The following ROBO2 variants were observed in gnomAD, a reference collection of about 807,000 sequenced individuals.
The protein encoded by ROBO2 is roundabout guidance receptor 2.
ROBO2 carries 53 observed loss-of-function variants against 160.8 expected under a neutral mutation model. The ratio of observed to expected loss-of-function variants is 0.33; its 90% confidence interval spans 0.26 to 0.41. The LOEUF is 0.41. Among genes scored for constraint, ROBO2 ranks in the 10% least tolerant of loss-of-function variants. The pLI is 1.00. For synonymous variants in ROBO2, 664 were observed against 611.7 expected (o/e 1.09, Z -1.26); for missense variants, 1,577 against 1,722.4 (o/e 0.92, Z 1.49).
chr3:76,653,928 T>C (rs1333700052), intron 2 of ROBO2, among the ~76,000 whole-genome samples: 2 of 152,142 alleles, frequency 1.3e-5, no homozygotes, highest in Admixed American at 1.3e-4. Context: ...CTTTTTAATA[T>C]GGACATTTTT....
intron 2 of ROBO2, among the ~76,000 whole-genome samples, chr3:75,948,059 A>G (rs1948386672): frequency 6.6e-6 from 1 of 152,106 alleles, no homozygotes. Flanking sequence ...ACAATTGCCC[A>G]TTGCAAATAA....
chr3:77,483,947 T>C (rs2085015681), intron 4 of ROBO2, among the ~76,000 whole-genome samples: 1 of 151,796 alleles, frequency 6.6e-6, no homozygotes, highest in Non-Finnish European at 1.5e-5. Context: ...AGTATTTTGA[T>C]TCTAGTGGGC....
At chr3:76,255,096 G>C (rs1706273374) in intron 2 of ROBO2, among the ~76,000 whole-genome samples, 1 of 152,044 alleles carries the variant, frequency 6.6e-6, no homozygotes, top group African/African-American at 2.4e-5. Context: ...GTTGGAGAGA[G>C]GATCAAATTT....
At chr3:76,389,512 C>G (rs1244664516) in intron 2 of ROBO2, among the ~76,000 whole-genome samples, 7 of 152,162 alleles carry the variant, frequency 4.6e-5, no homozygotes, top group Non-Finnish European at 1.0e-4. Context: ...ACTATGATTT[C>G]TTGTTGAGAT....
intron 2 of ROBO2, among the ~76,000 whole-genome samples, chr3:77,439,878 T>C (rs1052633110): frequency 6.6e-6 from 1 of 152,168 alleles, no homozygotes; most frequent in Non-Finnish European, 1.5e-5. Flanking sequence ...ATACATATCA[T>C]ACCTCATCTC....
intron 2 of ROBO2, among the ~76,000 whole-genome samples, chr3:76,015,740 G>A (rs1439594708): frequency 6.6e-6 from 1 of 152,196 alleles, no homozygotes; most frequent in East Asian, 1.9e-4. Context: ...AAGTTAGGCA[G>A]CAGTTTTTAT....
At chr3:76,038,603 G>C (rs996212052) in intron 2 of ROBO2, among the ~76,000 whole-genome samples, 2 of 151,906 alleles carry the variant, frequency 1.3e-5, no homozygotes, top group Non-Finnish European at 2.9e-5. Flanking sequence ...GTCCCCATGG[G>C]CTGAAGCTGC....
chr3:77,013,739 A>G (rs138825714), intron 2 of ROBO2, among the ~76,000 whole-genome samples: 32 of 152,356 alleles, frequency 2.1e-4, no homozygotes, highest in African/African-American at 7.0e-4. Context: ...ATGCAAAACT[A>G]TTGTGATTGA....
rs145180960 is a variant in ROBO2 at position 77,441,593 on chromosome 3, G to A, written c.389-35821G>A. ...AACATACAAAATTATAAAATGAGCTGTACTGCATAAGAAATCAGTGTTCTG... is the reference window on the plus strand; with the variant it reads ...AACATACAAAATTATAAAATGAGCTATACTGCATAAGAAATCAGTGTTCTG... On this transcript the variant is annotated intron_variant, in intron 2 of 25. Coordinates refer to ENST00000461745, the Ensembl canonical transcript of ROBO2. 3.2e-3 allele frequency among the ~76,000 whole-genome samples: 484 copies of A among 152,146 alleles called. 2 individuals are homozygous for A. The highest frequency in any genetic ancestry group is 0.02 in the Middle Eastern group (6 of 294).
intron 1 of ROBO2, among the ~76,000 whole-genome samples, chr3:75,924,844 ACGC>A (rs1261098794): frequency 6.7e-6 from 1 of 149,336 alleles, no homozygotes; most frequent in Non-Finnish European, 1.5e-5. Flanking sequence ...GCCTGCCACC[ACGC>A]CAGGCTTATT....
At chr3:77,404,165 TG>T (rs2076066922) in intron 2 of ROBO2, among the ~76,000 whole-genome samples, 2 of 152,284 alleles carry the variant, frequency 1.3e-5, no homozygotes, top group South Asian at 4.1e-4. Flanking sequence ...GCATAGGGCA[TG>T]GGGAAATTAT....
chr3:77,308,010 G>A (rs1485178954), intron 2 of ROBO2, among the ~76,000 whole-genome samples: 1 of 151,110 alleles, frequency 6.6e-6, no homozygotes, highest in African/African-American at 2.4e-5. Context: ...TCTAGGAAAT[G>A]TGAAATTTCT....
intron 2 of ROBO2, among the ~76,000 whole-genome samples, chr3:77,195,180 T>A (rs2082205569): frequency 6.6e-6 from 1 of 152,198 alleles, no homozygotes; most frequent in Non-Finnish European, 1.5e-5. Flanking sequence ...AATATTCTTT[T>A]TTCCCCGTTA....
chr3:75,927,974 CTCTTTTTT>C (rs1947354285), intron 1 of ROBO2, among the ~76,000 whole-genome samples: 1 of 68,388 alleles, frequency 1.5e-5, no homozygotes, highest in Non-Finnish European at 3.1e-5. Flanking sequence ...ATGATTTTCT[CTCTTTTTT>C]TTTTTTTTTT....
intron 2 of ROBO2, among the ~76,000 whole-genome samples, chr3:77,175,862 T>C (rs1172539881): frequency 6.6e-6 from 1 of 152,054 alleles, no homozygotes; most frequent in Non-Finnish European, 1.5e-5. Context: ...GATATATTAA[T>C]GGAAATTTCA....
At chr3:76,373,058 T>C (rs1253059104) in intron 2 of ROBO2, among the ~76,000 whole-genome samples, 1 of 152,024 alleles carries the variant, frequency 6.6e-6, no homozygotes, top group Non-Finnish European at 1.5e-5. Flanking sequence ...AAACTGTTTC[T>C]AATTTTCTTT....
intron 2 of ROBO2, among the ~76,000 whole-genome samples, chr3:76,008,254 A>T (rs2066085669): frequency 7.4e-6 from 1 of 135,264 alleles, no homozygotes; most frequent in South Asian, 2.4e-4. Context: ...AAAAAAAAAA[A>T]GAAAAGAAAA....
intron 6 of ROBO2, among the ~76,000 whole-genome samples, chr3:77,532,053 G>T (rs1484756211): frequency 6.6e-6 from 1 of 152,084 alleles, no homozygotes; most frequent in African/African-American, 2.4e-5. Flanking sequence ...TTTCCATAAT[G>T]TGAAACGTTT....
chr3:76,550,994 C>T (rs997184192), intron 2 of ROBO2, among the ~76,000 whole-genome samples: 5 of 151,736 alleles, frequency 3.3e-5, no homozygotes, highest in African/African-American at 1.2e-4. Flanking sequence ...AGTGTTGGGT[C>T]CCTAGTGAAA....
Sources: gnomAD v4.1 joint callset for allele counts (sites outside exome capture counted in the v4.1 genomes callset) on GRCh38, gnomAD v4.1.1 for gene constraint, MANE v1.5 for transcripts, NCBI Gene and HGNC (gene_info 2026-07-23, HGNC 2026-07-21) for gene names.